The following BCAS3 variants were observed in gnomAD, a reference collection of about 807,000 sequenced individuals.
The protein encoded by BCAS3 is BCAS3 microtubule associated cell migration factor.
Under a neutral mutation model 116.1 loss-of-function variants are expected in BCAS3, and 53 were observed. The observed-to-expected ratio is 0.46, with a 90% CI of 0.37 to 0.57. The LOEUF (loss-of-function observed/expected upper bound fraction) is 0.57, where lower values mean the gene tolerates loss of function less well. BCAS3 is among the 20% of genes least tolerant of loss of function. The probability of loss-of-function intolerance (pLI) is 0.00; values close to 1 mark genes in which losing one functional copy is unlikely to be tolerated. For missense variants in BCAS3, 917 were observed against 1,165.4 expected (o/e 0.79, Z 3.10); for synonymous variants, 391 against 408.2 (o/e 0.96, Z 0.51).
intron 12 of BCAS3, among the ~76,000 whole-genome samples, chr17:60,916,316 T>C (rs1321857228): frequency 1.3e-5 from 2 of 152,182 alleles, no homozygotes; most frequent in Admixed American, 6.5e-5. Flanking sequence ...AAGAAAGTGG[T>C]ACAATATCTT....
In BCAS3 at chr17:61,132,351, A is replaced by AG. The variant is rs1163340047; in HGVS notation, c.2425+47789dup. On this transcript the variant is annotated intron_variant, in intron 22 of 23. Transcript: ENST00000407086. The surrounding 1 kb of genome is among the most constrained non-coding windows in gnomAD (Gnocchi z 5.1). ...CACCATTCCAAAACTACTTGAGTAT[A>AG]GGTGAGAACTTGACAGATAATTATG... Among the ~76,000 whole-genome samples the AG allele has an allele frequency of 3.9e-5, 6 of 152,362 alleles. No individual in the cohort carries two copies. Among genetic ancestry groups the AG allele is most frequent in the African/African-American group, 1.4e-4 (6 of 41,572 alleles).
rs1310890444 is a variant in BCAS3 at position 61,082,052 on chromosome 17, A to T, written c.2328-2415A>T. On this transcript the variant is annotated intron_variant, in intron 21 of 23. Transcript: ENST00000407086. This position sits in a 1 kb window ranked among gnomAD's most constrained non-coding sequence, Gnocchi z 5.1. ...GCAGGCATAGTGTTGACTCTCATCCATAAGGGAATCAGGCAAGCTCCCTAC... is the reference window on the plus strand; with the variant it reads ...GCAGGCATAGTGTTGACTCTCATCCTTAAGGGAATCAGGCAAGCTCCCTAC... Among the ~76,000 whole-genome samples, 1 of 152,110 alleles carries T rather than the reference A, an allele frequency of 6.6e-6. No homozygotes were observed. The highest frequency in any genetic ancestry group is 1.5e-5 in the Non-Finnish European group (1 of 68,014).
rs112810713 is a variant in BCAS3 at position 60,994,621 on chromosome 17, A to C, written c.1486+4386A>C. ...TTCCTAGAAGGTTAGAAAATGTCCT[A>C]TCTTATTTCCAGCTTCTTGTCTAAC... On this transcript the variant is annotated intron_variant, in intron 15 of 23. Coordinates refer to ENST00000407086, the MANE Select transcript of BCAS3 (RefSeq NM_017679.5). This position sits in a 1 kb window ranked among gnomAD's most constrained non-coding sequence, Gnocchi z 4.4. Among the ~76,000 whole-genome samples, 2 of 152,130 alleles carry C rather than the reference A, an allele frequency of 1.3e-5. No homozygotes were observed. The highest frequency in any genetic ancestry group is 3.8e-4 in the East Asian group (2 of 5,198).
chr17:60,968,508 T>G (rs768406681), intron 14 of BCAS3, among the ~76,000 whole-genome samples: 13 of 152,196 alleles, frequency 8.5e-5, no homozygotes, highest in Non-Finnish European at 1.0e-4. Context: ...GCACTGGAAT[T>G]ACAAGCATGA....
In BCAS3 at chr17:61,386,774, T is replaced by G. The variant is rs532023138; in HGVS notation, c.2594-5203T>G. Among the ~76,000 whole-genome samples the G allele has an allele frequency of 1.6e-3, 15 of 9,380 alleles. No individual in the cohort carries two copies. In the East Asian group the frequency reaches 0.052, roughly 32 times the overall value. 6.2% of individuals were successfully genotyped at this position (9,380 alleles called of 152,430 possible). ...AGCCCAAAGCAGGATTTCCTTACTG[T>G]TTTTTTTTGTTTTTGTTTTTTGTTT... is the stretch of plus-strand genomic sequence containing the variant. On this transcript the variant is annotated intron_variant, in intron 23 of 23. Coordinates refer to ENST00000407086, the MANE Select transcript of BCAS3 (RefSeq NM_017679.5).
intron 22 of BCAS3, among the ~76,000 whole-genome samples, chr17:61,254,787 A>AAAAAAAAAAAAAAAAG (rs1163301944): frequency 6.6e-5 from 10 of 150,732 alleles, no homozygotes; most frequent in African/African-American, 2.4e-4. Flanking sequence ...GAAAAAAAAA[A>AAAAAAAAAAAAAAAAG]AAGGATTAGA....
At position 61,199,486 on chromosome 17, in the gene BCAS3, T is replaced by G. The variant is rs1222547852; in HGVS notation, c.2425+114922T>G. 6.6e-6 allele frequency among the ~76,000 whole-genome samples: 1 copy of G among 152,184 alleles called. No individual in the cohort carries two copies. Among genetic ancestry groups the G allele is most frequent in the Non-Finnish European group, 1.5e-5 (1 of 68,016 alleles). On this transcript the variant is annotated intron_variant, in intron 22 of 23. Transcript: ENST00000407086. This position sits in a 1 kb window ranked among gnomAD's most constrained non-coding sequence, Gnocchi z 4.6. ...CCAAATTTAGAATGTGACACCATTG[T>G]TTAGGTGTATGTGATTCATTTTTAT...
chr17:60,682,004 A>T (rs997082891), intron 2 of BCAS3, among the ~76,000 whole-genome samples: 3 of 152,180 alleles, frequency 2.0e-5, no homozygotes, highest in South Asian at 4.1e-4. Context: ...TGCTGGGATT[A>T]CAGGTGTGAG....
rs964109453 is a variant in BCAS3 at position 61,189,027 on chromosome 17, C to T, written c.2425+104463C>T. Among the ~76,000 whole-genome samples the T allele has an allele frequency of 2.0e-5, 3 of 151,902 alleles. No homozygotes were observed. The highest frequency in any genetic ancestry group is 6.6e-5 in the Admixed American group (1 of 15,230). On this transcript the variant is annotated intron_variant, in intron 22 of 23. Coordinates refer to ENST00000407086, the MANE Select transcript of BCAS3 (RefSeq NM_017679.5). This position sits in a 1 kb window ranked among gnomAD's most constrained non-coding sequence, Gnocchi z 4.5. ...TTAAAGCAGGAGAATTGCTTGAGGC[C>T]GGGAGATTGAGGCTGCAGTGAGCTG...
intron 12 of BCAS3, among the ~76,000 whole-genome samples, chr17:60,919,779 G>A (rs1176009522): frequency 1.3e-5 from 2 of 151,906 alleles, no homozygotes; most frequent in Non-Finnish European, 2.9e-5. Context: ...CAATCAATGA[G>A]CTGTATTTTA....
intron 5 of BCAS3, among the ~76,000 whole-genome samples, chr17:60,709,904 A>G (rs1262666499): frequency 6.6e-6 from 1 of 152,226 alleles, no homozygotes; most frequent in African/African-American, 2.4e-5. Context: ...GATGTAGTAA[A>G]TACTGCATAT....
chr17:60,974,739 TTTAA>T (rs2062187442), intron 14 of BCAS3, among the ~76,000 whole-genome samples: 3 of 152,280 alleles, frequency 2.0e-5, no homozygotes, highest in African/African-American at 7.2e-5. Context: ...TTGCAAAACA[TTTAA>T]TTAAACACTG....
chr17:61,135,003 A>G (rs576329629), intron 22 of BCAS3, among the ~76,000 whole-genome samples: 4 of 152,282 alleles, frequency 2.6e-5, no homozygotes, highest in African/African-American at 7.2e-5. Context: ...TTCCAAATTA[A>G]ACATATGAGG....
chr17:60,685,995 G>A (rs905824102), intron 3 of BCAS3, among the ~76,000 whole-genome samples: 4 of 151,074 alleles, frequency 2.6e-5, no homozygotes, highest in South Asian at 2.1e-4. Flanking sequence ...TCAGCCTCCC[G>A]AGTAGCTGGG....
chr17:61,279,328 G>C lies in BCAS3; in HGVS notation c.2426-88999G>C, dbSNP rs147769754. On this transcript the variant is annotated intron_variant, in intron 22 of 23. Coordinates refer to ENST00000407086, the MANE Select transcript of BCAS3 (RefSeq NM_017679.5). The surrounding 1 kb of genome is among the most constrained non-coding windows in gnomAD (Gnocchi z 4.4). ...ATCTTTTTTTTTTTAAGGCAGCCTA[G>C]GTCTGACACACCTAATAGAACAGAA... is the stretch of plus-strand genomic sequence containing the variant. Among the ~76,000 whole-genome samples the C allele has an allele frequency of 6.6e-6, 1 of 151,992 alleles. No homozygotes were observed. The highest frequency in any genetic ancestry group is 2.1e-4 in the South Asian group (1 of 4,822).
intron 19 of BCAS3, among the ~76,000 whole-genome samples, chr17:61,044,168 G>A (rs986272895): frequency 6.6e-6 from 1 of 151,792 alleles, no homozygotes. Flanking sequence ...CTTAAGAGGT[G>A]GGGGCGCGGT....
chr17:60,750,024 G>A (rs935966716), intron 6 of BCAS3, among the ~76,000 whole-genome samples: 1 of 152,032 alleles, frequency 6.6e-6, no homozygotes, highest in African/African-American at 2.4e-5. Flanking sequence ...AAAATTAGCC[G>A]AGCATGGTGG....
intron 22 of BCAS3, among the ~76,000 whole-genome samples, chr17:61,297,477 C>T (rs2144727525): frequency 6.6e-6 from 1 of 152,274 alleles, no homozygotes; most frequent in South Asian, 2.1e-4. Context: ...AAACTCTCAG[C>T]ATCCAAGAGA....
intron 3 of BCAS3, among the ~76,000 whole-genome samples, chr17:60,688,443 G>T (rs1230060669): frequency 1.3e-5 from 2 of 151,958 alleles, no homozygotes; most frequent in East Asian, 1.9e-4. Context: ...GGGACTACAG[G>T]TGCATGCCAC....
Sources: gnomAD v4.1 joint callset for allele counts (sites outside exome capture counted in the v4.1 genomes callset) on GRCh38, gnomAD v4.1.1 for gene constraint, Gnocchi (gnomAD v3.1) non-coding constraint, MANE v1.5 for transcripts, NCBI Gene and HGNC (gene_info 2026-07-23, HGNC 2026-07-21) for gene names.